The following PUM3 variants were observed in gnomAD, a reference collection of about 807,000 sequenced individuals.
PUM3 encodes pumilio RNA binding family member 3, also known as pumilio homolog 3.
In PUM3, 91 loss-of-function variants were observed where a neutral mutation model predicts 84.0. The observed-to-expected ratio is 1.08, with a 90% CI of 0.91 to 1.29. PUM3 has a LOEUF of 1.29. Ranked by LOEUF, PUM3 falls within the 50% of genes most tolerant of loss-of-function variation. PUM3 has a pLI of 0.00. For synonymous variants in PUM3, 321 were observed against 266.7 expected (o/e 1.20, Z -1.98); for missense variants, 1,067 against 767.5 (o/e 1.39, Z -4.61).
Position 2,831,240 on chromosome 9 carries a change from G to A in PUM3, c.610+11C>T, listed in dbSNP as rs1489039725. On this transcript the variant is annotated intron_variant, in intron 6 of 17. Coordinates refer to ENST00000397885, the MANE Select transcript of PUM3 (RefSeq NM_014878.5). ...CAAATGATAACATAATCTTTAGTATGTAATAAATACCTCGCAATTCTTCAA... is the reference window on the plus strand; with the variant it reads ...CAAATGATAACATAATCTTTAGTATATAATAAATACCTCGCAATTCTTCAA... 6.6e-7 allele frequency: 1 copy of A among 1,511,304 alleles called. No homozygotes were observed. Among genetic ancestry groups the A allele is most frequent in the African/African-American group, 1.4e-5 (1 of 72,586 alleles). 93.6% of individuals were successfully genotyped at this position (1,511,304 alleles called of 1,614,324 possible).
At chr9:2,807,065 G>T (rs1393347451) in intron 17 of PUM3, among the ~76,000 whole-genome samples, 2 of 152,064 alleles carry the variant, frequency 1.3e-5, no homozygotes, top group Non-Finnish European at 2.9e-5. Context: ...AAAATTAGCT[G>T]GGCGTGGTGG....
chr9:2,825,748 G>T (rs953321377), intron 10 of PUM3, among the ~76,000 whole-genome samples: 1 of 152,098 alleles, frequency 6.6e-6, no homozygotes, highest in Non-Finnish European at 1.5e-5. Context: ...CCAAAGTGCT[G>T]GGATTACAGG....
At chr9:2,839,913 T>C (rs1260526259) in intron 1 of PUM3, among the ~76,000 whole-genome samples, 2 of 152,224 alleles carry the variant, frequency 1.3e-5, no homozygotes, top group Non-Finnish European at 2.9e-5. Context: ...TTTCCCCAGC[T>C]TCCCCTAATG....
intron 1 of PUM3, among the ~76,000 whole-genome samples, chr9:2,840,961 T>G (rs1036250990): frequency 6.6e-6 from 1 of 152,260 alleles, no homozygotes; most frequent in African/African-American, 2.4e-5. Flanking sequence ...AGGAAACACA[T>G]ATATGTATAT....
rs1020093223 is a variant in PUM3, at chr9:2,804,238, C to T, written c.*93G>A. 1 of 1,244,518 alleles carries T rather than the reference C, an allele frequency of 8.0e-7. No homozygotes were observed. The highest frequency in any genetic ancestry group is 2.8e-4 in the Middle Eastern group (1 of 3,520). The allele number at this position is 1,244,518 out of a possible 1,614,324, so 77.1% of individuals were successfully genotyped here. A position where few individuals can be genotyped will look rare whatever the true frequency, so the allele number is the denominator to read the frequency against. On this transcript the variant is annotated 3_prime_UTR_variant, in exon 18 of 18. Coordinates refer to ENST00000397885, the MANE Select transcript of PUM3 (RefSeq NM_014878.5). ...ACACATATACAGAGTACCCCAATTA[C>T]CAGTATGGTGGACCCTACCCCTTCT... is the stretch of plus-strand genomic sequence containing the variant.
chr9:2,811,557 C>T lies in PUM3; in HGVS notation c.1439G>A (p.Arg480Gln), dbSNP rs2270889. ...HSKKDTEVRR[R>Q]ELLESISPAL... ...TGGAGAAATGGATTCTAGGAGCTCC[C>T]GTCTGCGGACCTCTGTATCTTTCTT... is the stretch of plus-strand genomic sequence containing the variant. Residue 480 changes from arginine to glutamine, a missense_variant, in exon 15 of 18, where the codon CGG becomes CAG. Coordinates refer to ENST00000397885, the MANE Select transcript of PUM3 (RefSeq NM_014878.5). The T allele has an allele frequency of 2.4e-4, 393 of 1,613,942 alleles. No individual in the cohort carries two copies. The East Asian group carries it at 8.2e-3, about 34-fold the overall frequency.
intron 12 of PUM3, among the ~76,000 whole-genome samples, chr9:2,822,792 A>G (rs1815694036): frequency 6.7e-6 from 1 of 149,338 alleles, no homozygotes; most frequent in Non-Finnish European, 1.5e-5. Flanking sequence ...GAATTATGAA[A>G]TATATATGAA....
intron 12 of PUM3, among the ~76,000 whole-genome samples, chr9:2,822,382 G>T (rs1056464157): frequency 7.9e-5 from 12 of 151,882 alleles, no homozygotes; most frequent in African/African-American, 2.9e-4. Flanking sequence ...AAAGAATATA[G>T]AATATATCCA....
chr9:2,812,325 T>C lies in PUM3; in HGVS notation c.1307A>G (p.Lys436Arg). 3.1e-6 allele frequency: 5 copies of C among 1,595,570 alleles called. No homozygotes were observed. The highest frequency in any genetic ancestry group is 1.1e-5 in the South Asian group (1 of 90,658). ...GTACAATAGGACCTTCCTTCCATAT[T>C]TGTCATTTACTATGCTAGGCAATGA... ...ISSLPSIVND[K>R]YGRKVLLYLL... Residue 436 changes from lysine (K) to arginine (R), a missense_variant, in exon 14 of 18, where the codon AAA (lysine) becomes AGA (arginine). Physicochemically the swap from Lys to Arg is conservative, Grantham distance 26. Transcript: ENST00000397885.
At position 2,828,674 on chromosome 9, in the gene PUM3, CT is replaced by C; in HGVS notation, c.956del (p.Lys319ArgfsTer4). 6.5e-7 allele frequency: 1 copy of C among 1,549,100 alleles called. No individual in the cohort carries two copies. The highest frequency in any genetic ancestry group is 1.4e-5 in the African/African-American group (1 of 73,478). ...MKQILTPMAQKEAVIKHSLVH... is the reference protein window; with the variant it reads ...MKQILTPMAQXEAVIKHSLVH... Reference sequence around the variant, plus strand: ...GAACAAAACAAAAACAACTTTCTTACTTTTGGGCCATTGGAGTTAGAATCTG... The same window carrying C: ...GAACAAAACAAAAACAACTTTCTTACTTTGGGCCATTGGAGTTAGAATCTG... On this transcript the variant is annotated frameshift_variant and splice_region_variant, in exon 9 of 18. Transcript: ENST00000397885. LOFTEE classifies it high-confidence loss of function.
intron 2 of PUM3, 29 bp downstream of exon 2, chr9:2,838,397 C>T (rs751282707): frequency 6.7e-7 from 1 of 1,499,358 alleles, no homozygotes. Context: ...TTATAACAGC[C>T]AAACACCCAC....
chr9:2,832,067 A>G (rs1050449763), intron 5 of PUM3, among the ~76,000 whole-genome samples: 7 of 152,150 alleles, frequency 4.6e-5, no homozygotes, highest in African/African-American at 1.7e-4. Flanking sequence ...GTCTACTTCA[A>G]AAGTGCTTAT....
intron 13 of PUM3, among the ~76,000 whole-genome samples, chr9:2,818,537 A>G (rs1463576885): frequency 6.6e-6 from 1 of 152,254 alleles, no homozygotes; most frequent in Non-Finnish European, 1.5e-5. Context: ...CAAACTTTCA[A>G]TATCCCAGCC....
chr9:2,813,173 ACCT>A (rs1043447603), intron 13 of PUM3, among the ~76,000 whole-genome samples: 2 of 151,960 alleles, frequency 1.3e-5, no homozygotes, highest in Non-Finnish European at 2.9e-5. Context: ...AAGAACAGTA[ACCT>A]CCTTTTCTAG....
Position 2,824,758 on chromosome 9 carries a change from C to A in PUM3, c.1093G>T (p.Ala365Ser). The stretch of plus-strand genomic sequence containing the variant: ...CACAGGCAGTGCATGGCCACTCTGG[C>A]GCCATCGTGTGTGTGTGCCAGGTAG... ...VVYLAHTHDG[A>S]RVAMHCLWHG... is the part of the protein sequence containing the mutation. Residue 365 changes from alanine to serine, a missense_variant, in exon 11 of 18, where the codon GCC (alanine) becomes TCC (serine). By Grantham distance (99) the Ala-to-Ser change is moderately conservative (BLOSUM62 1). Transcript: ENST00000397885. 6.3e-7 allele frequency: 1 copy of A among 1,588,290 alleles called. No individual in the cohort carries two copies. Among genetic ancestry groups the A allele is most frequent in the South Asian group, 1.1e-5 (1 of 87,656 alleles).
Position 2,829,872 on chromosome 9 carries a change from A to G in PUM3, c.754T>C (p.Ser252Pro). The G allele has an allele frequency of 6.2e-7, 1 of 1,614,142 alleles. No individual in the cohort carries two copies. Among genetic ancestry groups the G allele is most frequent in the Non-Finnish European group, 8.5e-7 (1 of 1,179,966 alleles). The change falls in exon 8 of 18, where the codon TCA (serine) becomes CCA (proline). Residue 252 changes from serine to proline, a missense_variant. By Grantham distance (74) the Ser-to-Pro change is moderately conservative. Coordinates refer to ENST00000397885, the MANE Select transcript of PUM3 (RefSeq NM_014878.5). ...TTGTATGCGTACTCCACGATGGCTG[A>G]TGCTTCCGCATGCCGCAGCATCTTC... ...VRKMLRHAEA[S>P]AIVEYAYNDK...
chr9:2,823,759 T>A (rs1815731100), intron 12 of PUM3, 22 bp downstream of exon 12: 12 of 1,119,844 alleles, frequency 1.1e-5, no homozygotes, highest in Non-Finnish European at 1.5e-5. Context: ...ATAATTAGAA[T>A]ATGTAGTTTT....
chr9:2,829,896 TC>T lies in PUM3; in HGVS notation c.729del (p.Lys244ArgfsTer28). The part of the protein sequence containing the change: ...EIIRSFKGHV[R>X]KMLRHAEASA... ...GATGCTTCCGCATGCCGCAGCATCT[TC>T]CTCACGTGGCCTTTAAAACTTCTGA... On this transcript the variant is annotated frameshift_variant, in exon 8 of 18. Coordinates refer to ENST00000397885, the MANE Select transcript of PUM3 (RefSeq NM_014878.5). LOFTEE classifies it high-confidence loss of function. 6.2e-7 allele frequency: 1 copy of T among 1,614,010 alleles called. No individual in the cohort carries two copies. The highest frequency in any genetic ancestry group is 1.1e-5 in the South Asian group (1 of 91,074).
intron 1 of PUM3, among the ~76,000 whole-genome samples, chr9:2,839,665 A>G (rs1004990180): frequency 6.6e-6 from 1 of 152,186 alleles, no homozygotes; most frequent in East Asian, 1.9e-4. Context: ...AATGATTTTG[A>G]AAAATGGACA....
Sources: gnomAD v4.1 joint callset for allele counts (sites outside exome capture counted in the v4.1 genomes callset) on GRCh38, gnomAD v4.1.1 for gene constraint, MANE v1.5 for transcripts, NCBI Gene and HGNC (gene_info 2026-07-23, HGNC 2026-07-21) for gene names.